The following DIP2C variants were observed in gnomAD, a reference collection of about 807,000 sequenced individuals.
DIP2C encodes the protein disco-interacting protein 2 homolog C.
In DIP2C, 33 loss-of-function variants were observed where a neutral mutation model predicts 192.4. That is an observed-to-expected ratio of 0.17 (90% CI 0.13 to 0.23). DIP2C has a LOEUF of 0.23. Ranked by LOEUF, DIP2C falls within the 10% of genes least tolerant of loss-of-function variation. DIP2C has a pLI of 1.00. For missense variants in DIP2C, 1,537 were observed against 2,110.1 expected (o/e 0.73, Z 5.32); for synonymous variants, 979 against 864.1 (o/e 1.13, Z -2.33).
chr10:514,330 G>C (rs1846215813), intron 1 of DIP2C, among the ~76,000 whole-genome samples: 2 of 152,190 alleles, frequency 1.3e-5, no homozygotes, highest in Non-Finnish European at 2.9e-5. Context: ...CCAATTAAGT[G>C]AACTGAGCAG....
intron 1 of DIP2C, among the ~76,000 whole-genome samples, chr10:581,633 G>A (rs1200542728): frequency 2.0e-5 from 3 of 152,162 alleles, no homozygotes; most frequent in African/African-American, 4.8e-5. Context: ...CTGAGGCCAT[G>A]GATGGAACCC....
chr10:649,698 C>A (rs1419213668), intron 1 of DIP2C, among the ~76,000 whole-genome samples: 1 of 152,202 alleles, frequency 6.6e-6, no homozygotes, highest in Non-Finnish European at 1.5e-5. Flanking sequence ...GAATAATTAA[C>A]TCAAATGTGT....
chr10:337,500 C>T (rs1454460485), intron 29 of DIP2C, among the ~76,000 whole-genome samples: 1 of 131,106 alleles, frequency 7.6e-6, no homozygotes, highest in East Asian at 2.4e-4. Flanking sequence ...CTGTGGAGGC[C>T]TAGACAGTCT....
At chr10:381,667 G>A (rs1962387096) in intron 17 of DIP2C, among the ~76,000 whole-genome samples, 1 of 152,214 alleles carries the variant, frequency 6.6e-6, no homozygotes, top group Non-Finnish European at 1.5e-5. Context: ...ATTTCTGTCT[G>A]TGTCCTGGTC....
intron 32 of DIP2C, among the ~76,000 whole-genome samples, chr10:304,032 C>G (rs1174438725): frequency 6.6e-6 from 1 of 152,102 alleles, no homozygotes; most frequent in Admixed American, 6.5e-5. Context: ...TCCTGAAGGA[C>G]CTGCTGAGGC....
intron 1 of DIP2C, among the ~76,000 whole-genome samples, chr10:577,507 G>A (rs1007921873): frequency 5.3e-5 from 8 of 152,162 alleles, no homozygotes; most frequent in African/African-American, 7.2e-5. Flanking sequence ...GCAGAGCCTC[G>A]TATTCCTATT....
Position 579,185 on chromosome 10 carries a change from T to C in DIP2C, c.86-92655A>G, listed in dbSNP as rs191365629. ...ACAGTGTACAAACCTAAGTGCACTA[T>C]AACATGTACATGCATAGAGCATACA... is the stretch of plus-strand genomic sequence containing the variant. On this transcript the variant is annotated intron_variant, in intron 1 of 36. Transcript: ENST00000280886. Among the ~76,000 whole-genome samples the C allele has an allele frequency of 2.4e-3, 359 of 151,310 alleles. 3 individuals carry two copies. The highest frequency in any genetic ancestry group is 7.7e-3 in the African/African-American group (316 of 41,188).
intron 1 of DIP2C, among the ~76,000 whole-genome samples, chr10:619,296 C>A (rs1282602071): frequency 6.6e-6 from 1 of 152,234 alleles, no homozygotes; most frequent in Non-Finnish European, 1.5e-5. Flanking sequence ...TATTTTCTCA[C>A]ATTTCTGGAA....
At chr10:348,795 A>G (rs751359499) in intron 25 of DIP2C, 33 bp from the exon 26 acceptor site, 3 of 1,610,700 alleles carry the variant, frequency 1.9e-6, no homozygotes, top group African/African-American at 1.3e-5. Flanking sequence ...TCATTGAAGC[A>G]GACCACGCTG....
intron 1 of DIP2C, among the ~76,000 whole-genome samples, chr10:560,027 T>TC (rs1199012216): frequency 1.2e-5 from 1 of 85,706 alleles, no homozygotes; most frequent in Non-Finnish European, 2.5e-5. Flanking sequence ...CCCCACCCCC[T>TC]CCGGTTCTCA....
chr10:554,269 G>A (rs1848732479), intron 1 of DIP2C, among the ~76,000 whole-genome samples: 1 of 152,220 alleles, frequency 6.6e-6, no homozygotes, highest in African/African-American at 2.4e-5. Flanking sequence ...GTATATGCTT[G>A]TAACTGTAAG....
intron 7 of DIP2C, among the ~76,000 whole-genome samples, chr10:414,739 G>GTGTATGTATA: frequency 1.1e-5 from 1 of 90,510 alleles, no homozygotes; most frequent in Non-Finnish European, 2.1e-5. Context: ...GTGTGTGTGT[G>GTGTATGTATA]TACATATATA....
chr10:581,190 T>TAA (rs76237650), intron 1 of DIP2C, among the ~76,000 whole-genome samples: 1 of 152,150 alleles, frequency 6.6e-6, no homozygotes, highest in African/African-American at 2.4e-5. Context: ...CGCTTTCTGA[T>TAA]ACTTACTCTA....
chr10:379,251 A>AC (rs1376967588), intron 17 of DIP2C, among the ~76,000 whole-genome samples: 1 of 78,748 alleles, frequency 1.3e-5, no homozygotes, highest in African/African-American at 4.8e-5. Context: ...CTGCCCCGCT[A>AC]CCCCACCCCA....
At chr10:413,762 G>T (rs1002706287) in intron 8 of DIP2C, 151 bp downstream of exon 8, 1 of 925,054 alleles carries the variant, frequency 1.1e-6, no homozygotes, top group East Asian at 2.7e-5. Context: ...TCGTGCGTTC[G>T]GGAGTGGCTG....
chr10:662,674 A>T, intron 1 of DIP2C: 1 of 561,684 alleles, frequency 1.8e-6, no homozygotes, highest in South Asian at 2.7e-5. Flanking sequence ...TCATCTTTTT[A>T]AAATTGTTAT....
In DIP2C at chr10:358,071, CAG is replaced by C; in HGVS notation, c.2795-136_2795-135del. 1.0e-5 allele frequency: 6 copies of C among 599,876 alleles called. No homozygotes were observed. In the South Asian group the frequency reaches 1.1e-4, roughly 11 times the overall value. 37.2% of individuals were successfully genotyped at this position (599,876 alleles called of 1,614,324 possible). On this transcript the variant is annotated intron_variant, in intron 22 of 36. Transcript: ENST00000280886. ...TGGCTTTGAATAAACCTTCTAAGAA[CAG>C]AGATTCAACGAAATCAAATGATTGT...
chr10:287,249 A>G (rs1447838810), intron 33 of DIP2C, among the ~76,000 whole-genome samples: 1 of 152,178 alleles, frequency 6.6e-6, no homozygotes, highest in Non-Finnish European at 1.5e-5. Flanking sequence ...GGCTCTGGCC[A>G]GAATTTCCTT....
intron 1 of DIP2C, among the ~76,000 whole-genome samples, chr10:658,307 C>CGCTGGACCTGAT (rs1856534741): frequency 5.4e-5 from 8 of 149,420 alleles, no homozygotes; most frequent in African/African-American, 1.7e-4. Context: ...CTGGACCTGC[C>CGCTGGACCTGAT]GCTGGACCTG....
Sources: gnomAD v4.1 joint callset for allele counts (sites outside exome capture counted in the v4.1 genomes callset) on GRCh38, gnomAD v4.1.1 for gene constraint, MANE v1.5 for transcripts, NCBI Gene and HGNC (gene_info 2026-07-23, HGNC 2026-07-21) for gene names.